The following LRP11 variants were observed in gnomAD, a reference collection of about 807,000 sequenced individuals.
LRP11 encodes low-density lipoprotein receptor-related protein 11.
In LRP11, 25 loss-of-function variants were observed where a neutral mutation model predicts 43.1. The observed-to-expected ratio is 0.58, with a 90% confidence interval of 0.42 to 0.81. The LOEUF is 0.81. Among genes scored for constraint, LRP11 ranks in the 30% least tolerant of loss-of-function variants. The probability of loss-of-function intolerance (pLI) is 0.00; values close to 1 mark genes in which losing one functional copy is unlikely to be tolerated. For synonymous variants in LRP11, 316 were observed against 299.4 expected (o/e 1.06, Z -0.57); for missense variants, 623 against 665.1 (o/e 0.94, Z 0.70).
intron 2 of LRP11, among the ~76,000 whole-genome samples, chr6:149,850,083 G>A (rs142636537): frequency 9.9e-4 from 150 of 152,232 alleles, no homozygotes; most frequent in African/African-American, 3.3e-3. Context: ...GGAGATGGGC[G>A]CTCAGGGGAA....
chr6:149,862,385 C>T (rs1269353571), intron 1 of LRP11, among the ~76,000 whole-genome samples: 1 of 152,138 alleles, frequency 6.6e-6, no homozygotes, highest in Non-Finnish European at 1.5e-5. Context: ...ACACACGGAG[C>T]CTGACCACAC....
intron 5 of LRP11, among the ~76,000 whole-genome samples, chr6:149,829,924 A>G (rs1562437328): frequency 6.6e-6 from 1 of 152,032 alleles, no homozygotes; most frequent in African/African-American, 2.4e-5. Flanking sequence ...AACAGCACTA[A>G]CATTTACTGA....
intron 6 of LRP11, among the ~76,000 whole-genome samples, chr6:149,823,911 C>A (rs547368151): frequency 6.6e-6 from 1 of 152,122 alleles, no homozygotes; most frequent in Non-Finnish European, 1.5e-5. Flanking sequence ...GTCAAGATGG[C>A]TGCCTGGTCT....
At chr6:149,832,191 CTTTT>C (rs5880854) in intron 5 of LRP11, among the ~76,000 whole-genome samples, 5 of 130,128 alleles carry the variant, frequency 3.8e-5, no homozygotes, top group African/African-American at 6.0e-5. Context: ...TGAGCTAAGT[CTTTT>C]TTTTTTTTTT....
intron 5 of LRP11, among the ~76,000 whole-genome samples, chr6:149,830,991 G>C (rs1391631072): frequency 2.6e-5 from 4 of 152,370 alleles, no homozygotes; most frequent in Non-Finnish European, 5.9e-5. Context: ...GAACGCCATA[G>C]AGAAATGCTT....
intron 1 of LRP11, among the ~76,000 whole-genome samples, chr6:149,859,396 A>ATATATATATATATATATATATATATATAT: frequency 2.1e-4 from 15 of 71,502 alleles, no homozygotes; most frequent in East Asian, 8.8e-4. Context: ...ATATATATAT[A>ATATATATATATATATATATATATATATAT]TTTTTTTTTT....
At chr6:149,847,185 C>G (rs1242379620) in intron 2 of LRP11, among the ~76,000 whole-genome samples, 1 of 152,164 alleles carries the variant, frequency 6.6e-6, no homozygotes, top group Non-Finnish European at 1.5e-5. Flanking sequence ...GGTTCACTAG[C>G]AAGCCTCTTG....
chr6:149,856,887 G>A (rs1052606425), intron 1 of LRP11, among the ~76,000 whole-genome samples: 5 of 152,122 alleles, frequency 3.3e-5, no homozygotes, highest in African/African-American at 1.2e-4. Context: ...GTACGGAAGC[G>A]GGGCGAGACT....
chr6:149,842,857 C>A, intron 3 of LRP11, 126 bp downstream of exon 3: 1 of 1,260,470 alleles, frequency 7.9e-7, no homozygotes. Flanking sequence ...AGCAAAGACT[C>A]TCTCATTCAG....
intron 1 of LRP11, among the ~76,000 whole-genome samples, chr6:149,860,732 T>C (rs184755707): frequency 6.6e-5 from 10 of 152,178 alleles, no homozygotes; most frequent in South Asian, 2.1e-4. Context: ...TCTCACTCAT[T>C]CCTGCATCCT....
intron 1 of LRP11, among the ~76,000 whole-genome samples, chr6:149,861,616 C>T (rs1171982734): frequency 6.6e-6 from 1 of 152,176 alleles, no homozygotes; most frequent in Non-Finnish European, 1.5e-5. Flanking sequence ...ACAGTTCAAG[C>T]GATTCTCCTG....
At chr6:149,855,715 A>ATT (rs1562446636) in intron 1 of LRP11, among the ~76,000 whole-genome samples, 83 of 125,074 alleles carry the variant, frequency 6.6e-4, no homozygotes, top group African/African-American at 4.2e-3. Flanking sequence ...TTTTTTTTAA[A>ATT]AAAAAAACAC....
At chr6:149,842,671 A>C in intron 3 of LRP11, 1 of 1,551,080 alleles carries the variant, frequency 6.4e-7, no homozygotes, top group South Asian at 1.2e-5. Context: ...CAAATGGACC[A>C]TCCATCTGTA....
intron 5 of LRP11, among the ~76,000 whole-genome samples, chr6:149,830,364 T>C (rs1475756): frequency 0.99 from 150,052 of 152,274 alleles, 73,941 homozygotes; most frequent in Middle Eastern, 1. Context: ...AGTTGATTAC[T>C]TAGTAGCTAG....
intron 2 of LRP11, among the ~76,000 whole-genome samples, chr6:149,851,929 A>C (rs1048372298): frequency 6.6e-6 from 1 of 152,218 alleles, no homozygotes; most frequent in Admixed American, 6.5e-5. Context: ...AAGGGGAAGC[A>C]AGGCACCTTC....
intron 2 of LRP11, among the ~76,000 whole-genome samples, chr6:149,850,598 G>C (rs1583092207): frequency 6.6e-6 from 1 of 152,124 alleles, no homozygotes; most frequent in South Asian, 2.1e-4. Context: ...AACTGAAATG[G>C]GTTTGCTAAT....
rs1776251655 is a variant in LRP11, at chr6:149,819,537, C to T, written c.*1012G>A. ...GCTTTATGGTCTAGAAATACGTAAG[C>T]CTGGCATTAGCTGATGGCACATTCT... On this transcript the variant is annotated 3_prime_UTR_variant, in exon 7 of 7. Coordinates refer to ENST00000239367, the MANE Select transcript of LRP11 (RefSeq NM_032832.6). 1 of 152,556 alleles carries T rather than the reference C, an allele frequency of 6.6e-6. No homozygotes were observed. The highest frequency in any genetic ancestry group is 2.1e-4 in the South Asian group (1 of 4,832). The allele number at this position is 152,556 out of a possible 1,614,324, so 9.5% of individuals were successfully genotyped here.
intron 1 of LRP11, among the ~76,000 whole-genome samples, chr6:149,855,365 C>T (rs1373431988): frequency 6.6e-6 from 1 of 152,152 alleles, no homozygotes. Flanking sequence ...TTCCAGACCC[C>T]AGACCCTAAA....
intron 4 of LRP11, among the ~76,000 whole-genome samples, chr6:149,837,127 T>A (rs1422323859): frequency 1.3e-5 from 2 of 152,076 alleles, no homozygotes; most frequent in Non-Finnish European, 2.9e-5. Context: ...TTGAAAAAAA[T>A]TAAAAACATA....
Sources: gnomAD v4.1 joint callset for allele counts (sites outside exome capture counted in the v4.1 genomes callset) on GRCh38, gnomAD v4.1.1 for gene constraint, MANE v1.5 for transcripts, NCBI Gene and HGNC (gene_info 2026-07-23, HGNC 2026-07-21) for gene names.